The following SIL1 variants were observed in gnomAD, a reference collection of about 807,000 sequenced individuals.
SIL1 encodes the protein SIL1 nucleotide exchange factor, also known as nucleotide exchange factor SIL1.
Under a neutral mutation model 49.1 loss-of-function variants are expected in SIL1, and 40 were observed. The ratio of observed to expected loss-of-function variants is 0.81; its 90% CI spans 0.63 to 1.06. The LOEUF (loss-of-function observed/expected upper bound fraction) is 1.06, where lower values mean the gene tolerates loss of function less well. Among genes scored for constraint, SIL1 ranks in the 50% least tolerant of loss-of-function variants. SIL1 has a pLI of 0.00. For missense variants in SIL1, 500 were observed against 572.6 expected (o/e 0.87, Z 1.29); for synonymous variants, 253 against 250.8 (o/e 1.01, Z -0.08).
chr5:138,954,400 C>T, intron 7 of SIL1, among the ~76,000 whole-genome samples: 1 of 152,272 alleles, frequency 6.6e-6, no homozygotes, highest in East Asian at 1.9e-4. Context: ...GGCCTCTTCA[C>T]ATGATCAGCT....
At chr5:139,016,741 A>G (rs1180646831) in intron 7 of SIL1, 1 of 146,744 alleles carries the variant, frequency 6.8e-6, no homozygotes, top group Non-Finnish European at 1.6e-5. Flanking sequence ...TTTCAGGGAT[A>G]GTACTCTTGA....
chr5:139,034,991 G>A (rs1768869833), intron 5 of SIL1, among the ~76,000 whole-genome samples: 1 of 152,054 alleles, frequency 6.6e-6, no homozygotes, highest in Admixed American at 6.6e-5. Context: ...TCTCACTGTG[G>A]TTTTGATTTG....
intron 3 of SIL1, among the ~76,000 whole-genome samples, chr5:139,061,482 G>A (rs963882583): frequency 6.6e-6 from 1 of 152,228 alleles, no homozygotes; most frequent in Non-Finnish European, 1.5e-5. Context: ...TGGCCATGCC[G>A]CAAGCCCTGG....
intron 4 of SIL1, among the ~76,000 whole-genome samples, chr5:139,047,138 A>G (rs748603788): frequency 5.3e-5 from 8 of 152,178 alleles, no homozygotes; most frequent in Non-Finnish European, 1.2e-4. Flanking sequence ...AGATGGCACA[A>G]CTTGAACGTG....
intron 3 of SIL1, among the ~76,000 whole-genome samples, chr5:139,107,231 C>T (rs1770734021): frequency 6.6e-6 from 1 of 152,108 alleles, no homozygotes; most frequent in South Asian, 2.1e-4. Flanking sequence ...GAGTAAGAGC[C>T]CTCCTTCTGA....
At chr5:138,971,619 C>G (rs1029101178) in intron 7 of SIL1, among the ~76,000 whole-genome samples, 1 of 152,142 alleles carries the variant, frequency 6.6e-6, no homozygotes, top group South Asian at 2.1e-4. Context: ...GGGTCAAGAG[C>G]GGGGATGAGG....
At chr5:139,060,674 C>T (rs1006126761) in intron 3 of SIL1, among the ~76,000 whole-genome samples, 8 of 152,156 alleles carry the variant, frequency 5.3e-5, no homozygotes, top group African/African-American at 1.9e-4. Flanking sequence ...AATTATATCT[C>T]GATAAAGTGG....
intron 1 of SIL1, among the ~76,000 whole-genome samples, chr5:139,160,188 A>AC (rs1751485231): frequency 8.8e-5 from 12 of 136,986 alleles, no homozygotes; most frequent in East Asian, 4.9e-4. Flanking sequence ...CACACACACA[A>AC]AAGTTATAGC....
At chr5:139,162,233 C>T (rs1209370728) in intron 1 of SIL1, among the ~76,000 whole-genome samples, 1 of 152,200 alleles carries the variant, frequency 6.6e-6, no homozygotes, top group East Asian at 1.9e-4. Flanking sequence ...CACTCACATT[C>T]TGTGAATTTG....
intron 7 of SIL1, among the ~76,000 whole-genome samples, chr5:138,971,736 T>G (rs1050866034): frequency 6.6e-6 from 1 of 152,140 alleles, no homozygotes; most frequent in Non-Finnish European, 1.5e-5. Context: ...GCATAATAGC[T>G]GCAAAAGTAG....
intron 3 of SIL1, among the ~76,000 whole-genome samples, chr5:139,120,666 A>G (rs1750606690): frequency 6.6e-6 from 1 of 152,196 alleles, no homozygotes; most frequent in Non-Finnish European, 1.5e-5. Context: ...GACTCTCCCA[A>G]GAACAATATT....
At chr5:139,077,211 C>T (rs1561853173) in intron 3 of SIL1, among the ~76,000 whole-genome samples, 1 of 152,214 alleles carries the variant, frequency 6.6e-6, no homozygotes, top group Admixed American at 6.5e-5. Context: ...CTATTCCCTC[C>T]CCCACATTCA....
intron 7 of SIL1, among the ~76,000 whole-genome samples, chr5:138,962,805 G>A (rs1295334737): frequency 1.3e-5 from 2 of 152,168 alleles, no homozygotes; most frequent in East Asian, 3.9e-4. Flanking sequence ...GGGGAGAAAT[G>A]TAATTAACAA....
At chr5:139,099,531 CCAT>C (rs1450745438) in intron 3 of SIL1, among the ~76,000 whole-genome samples, 3 of 152,060 alleles carry the variant, frequency 2.0e-5, no homozygotes, top group African/African-American at 7.2e-5. Flanking sequence ...ACTTAAGTGT[CCAT>C]CAACAGATGA....
intron 7 of SIL1, among the ~76,000 whole-genome samples, chr5:138,978,439 G>A (rs1449473141): frequency 1.3e-5 from 2 of 152,094 alleles, no homozygotes; most frequent in African/African-American, 4.8e-5. Flanking sequence ...CCATTTCTCA[G>A]TCAACAGATA....
chr5:139,148,853 G>C (rs370034632), intron 1 of SIL1, among the ~76,000 whole-genome samples: 1 of 152,098 alleles, frequency 6.6e-6, no homozygotes, highest in African/African-American at 2.4e-5. Context: ...TGCCTAAAGG[G>C]CTTGCCCTCC....
chr5:138,989,748 G>A (rs956410002), intron 7 of SIL1, among the ~76,000 whole-genome samples: 3 of 152,230 alleles, frequency 2.0e-5, no homozygotes, highest in Admixed American at 1.3e-4. Flanking sequence ...TTCATAGTGA[G>A]TTACAGGGGT....
intron 5 of SIL1, chr5:139,035,215 C>T: frequency 2.3e-6 from 1 of 435,864 alleles, no homozygotes; most frequent in South Asian, 2.0e-5. Context: ...TGACGGCCAT[C>T]AACACTGCAG....
In SIL1 at chr5:139,172,628, T is replaced by A. The variant is rs1751795831; in HGVS notation, c.-11+25641A>T. On this transcript the variant is annotated intron_variant, in intron 1 of 9. Transcript: ENST00000394817. ...GGCCGGGGAATAGCGTGAGACTCCG[T>A]CTCAAAAAAAAAAAAAAAAGACAGA... 2.6e-5 allele frequency among the ~76,000 whole-genome samples: 3 copies of A among 115,578 alleles called. No homozygotes were observed. In the South Asian group the frequency reaches 1.0e-3, roughly 40 times the overall value. 75.8% of individuals were successfully genotyped at this position (115,578 alleles called of 152,430 possible).
Sources: gnomAD v4.1 joint callset for allele counts (sites outside exome capture counted in the v4.1 genomes callset) on GRCh38, gnomAD v4.1.1 for gene constraint, MANE v1.5 for transcripts, NCBI Gene and HGNC (gene_info 2026-07-23, HGNC 2026-07-21) for gene names.